MCU: variants seen among roughly 807,000 people sequenced by gnomAD.
MCU encodes the protein calcium uniporter protein, mitochondrial.
MCU carries 12 observed loss-of-function variants against 45.2 expected under a neutral mutation model. The observed-to-expected ratio is 0.27, with a 90% CI of 0.17 to 0.43. The LOEUF is 0.43. Ranked by LOEUF, MCU falls within the 20% of genes least tolerant of loss-of-function variation. The pLI is 1.00. For missense variants in MCU, 324 were observed against 436.7 expected, an observed-to-expected ratio of 0.74 and a Z score of 2.30; for synonymous variants, 160 against 165.1, an observed-to-expected ratio of 0.97 and a Z score of 0.24.
At chr10:72,815,185 T>G (rs1034626898) in intron 1 of MCU, among the ~76,000 whole-genome samples, 16 of 152,266 alleles carry the variant, frequency 1.1e-4, no homozygotes, top group Non-Finnish European at 1.8e-4. Context: ...GGCATTCAGC[T>G]CTGCCTCTTA....
At chr10:72,757,595 A>AT (rs11414771) in intron 1 of MCU, among the ~76,000 whole-genome samples, 69,010 of 151,624 alleles carry the variant, frequency 0.46, 20,106 homozygotes, top group Non-Finnish European at 0.67. Flanking sequence ...GTTCATAATA[A>AT]TTTTTTTTTA....
At chr10:72,775,151 A>G (rs889251836) in intron 1 of MCU, among the ~76,000 whole-genome samples, 1 of 152,180 alleles carries the variant, frequency 6.6e-6, no homozygotes, top group Non-Finnish European at 1.5e-5. Context: ...AGGCCACAAA[A>G]CAAGTCTGAA....
At chr10:72,824,489 G>T (rs1457919473) in intron 1 of MCU, among the ~76,000 whole-genome samples, 1 of 151,808 alleles carries the variant, frequency 6.6e-6, no homozygotes, top group African/African-American at 2.4e-5. Context: ...GATTACAGGC[G>T]TGAGGCACCG....
chr10:72,704,104 G>A (rs2132652168), intron 1 of MCU, among the ~76,000 whole-genome samples: 1 of 152,286 alleles, frequency 6.6e-6, no homozygotes, highest in African/African-American at 2.4e-5. Context: ...GGGAGAATCA[G>A]GTGATCAGGT....
At chr10:72,779,647 A>AGAT (rs1343835599) in intron 1 of MCU, among the ~76,000 whole-genome samples, 1 of 152,236 alleles carries the variant, frequency 6.6e-6, no homozygotes, top group Non-Finnish European at 1.5e-5. Flanking sequence ...TTCTATAAGG[A>AGAT]GATGTATAAA....
intron 1 of MCU, chr10:72,720,995 A>G (rs1416355154): frequency 6.5e-6 from 1 of 153,276 alleles, no homozygotes; most frequent in Non-Finnish European, 1.5e-5. Flanking sequence ...CTACATACTG[A>G]TCCAAGTAAG....
intron 1 of MCU, among the ~76,000 whole-genome samples, chr10:72,813,455 T>TC: frequency 7.6e-6 from 1 of 131,824 alleles, no homozygotes; most frequent in Non-Finnish European, 1.6e-5. Flanking sequence ...TCTCTCTTTT[T>TC]TTTTTTTTTT....
chr10:72,813,912 A>G (rs1198195259), intron 1 of MCU, among the ~76,000 whole-genome samples: 4 of 152,170 alleles, frequency 2.6e-5, no homozygotes, highest in African/African-American at 9.7e-5. Context: ...CTTCAGGTCT[A>G]TACATACATA....
intron 1 of MCU, among the ~76,000 whole-genome samples, chr10:72,806,759 C>T (rs1395995217): frequency 6.6e-6 from 1 of 152,136 alleles, no homozygotes; most frequent in African/African-American, 2.4e-5. Context: ...AAGAGAGGAC[C>T]TTTTTGAGGA....
In MCU at chr10:72,885,976, A is replaced by G. The variant is rs952303923; in HGVS notation, c.*154A>G. On this transcript the variant is annotated 3_prime_UTR_variant, in exon 8 of 8. Transcript: ENST00000373053. ...AGAAAGGATCTGAGGGAAGAAGGGAATGTTAAAACCTGAGGATCAGGCATT... is the reference window on the plus strand; with the variant it reads ...AGAAAGGATCTGAGGGAAGAAGGGAGTGTTAAAACCTGAGGATCAGGCATT... 12 of 609,024 alleles carry G rather than the reference A, an allele frequency of 2.0e-5. No individual in the cohort carries two copies. In the African/African-American group the frequency reaches 2.0e-4, roughly 10 times the overall value. The allele number at this position is 609,024 out of a possible 1,614,324, so 37.7% of individuals were successfully genotyped here.
In MCU at chr10:72,885,868, C is replaced by T. The variant is rs1201335388; in HGVS notation, c.*46C>T. On this transcript the variant is annotated 3_prime_UTR_variant, in exon 8 of 8. Transcript: ENST00000373053. ...CCTGGCAGAAGGAACACCTGTTTGC[C>T]TTTTTAATTAAAGCATTGCAGGTGG... 6.6e-7 allele frequency: 1 copy of T among 1,515,176 alleles called. No individual in the cohort carries two copies. The highest frequency in any genetic ancestry group is 1.4e-5 in the African/African-American group (1 of 72,756). The allele number at this position is 1,515,176 out of a possible 1,614,324, so 93.9% of individuals were successfully genotyped here.
intron 1 of MCU, among the ~76,000 whole-genome samples, chr10:72,792,292 G>A (rs746316750): frequency 1.3e-5 from 2 of 152,118 alleles, no homozygotes; most frequent in South Asian, 2.1e-4. Context: ...GTTACACAGT[G>A]TTTTTGGCCT....
intron 5 of MCU, among the ~76,000 whole-genome samples, chr10:72,870,578 A>G (rs11000431): frequency 0.25 from 37,915 of 152,160 alleles, 10,888 homozygotes; most frequent in African/African-American, 0.7. Context: ...CACCGCGCCC[A>G]GCTTTACCTA....
rs139055297 is a variant in MCU, at chr10:72,792,119, C to T, written c.151-42240C>T. Among the ~76,000 whole-genome samples the T allele has an allele frequency of 3.5e-4, 53 of 152,284 alleles. No homozygotes were observed. The East Asian group carries it at 9.6e-3, about 28-fold the overall frequency. On this transcript the variant is annotated intron_variant, in intron 1 of 7. Transcript: ENST00000373053. ...GATATCCACACACATTTTGCAGTGG[C>T]AGAAAGAAAGGCATTTATTTGCAGG...
intron 6 of MCU, among the ~76,000 whole-genome samples, chr10:72,872,739 T>C (rs754118953): frequency 9.9e-5 from 15 of 152,224 alleles, no homozygotes; most frequent in African/African-American, 1.4e-4. Flanking sequence ...AGTGCAGATA[T>C]AGCTTTAACA....
rs191603713 is a variant in MCU at position 72,810,580 on chromosome 10, G to A, written c.151-23779G>A. 3.4e-5 allele frequency among the ~76,000 whole-genome samples: 5 copies of A among 147,984 alleles called. No homozygotes were observed. The Admixed American group carries it at 3.5e-4, about 10-fold the overall frequency. On this transcript the variant is annotated intron_variant, in intron 1 of 7. Coordinates refer to ENST00000373053, the MANE Select transcript of MCU (RefSeq NM_138357.3). ...CCTCCCGGGTTGAAGTGATTCTCCT[G>A]CCTCAGCCTCCCAAGTAGCTGGGAT...
chr10:72,829,589 A>G (rs1654953371), intron 1 of MCU, among the ~76,000 whole-genome samples: 2 of 149,120 alleles, frequency 1.3e-5, no homozygotes, highest in Non-Finnish European at 3.0e-5. Flanking sequence ...ATATTTATTA[A>G]AAGCTTCCAA....
rs1161181455 is a variant in MCU at position 72,805,101 on chromosome 10, CTCTTTCTTTCTTTCTTTCTTTCTT to C, written c.151-29222_151-29199del. Reference sequence around the variant, plus strand: ...TGTTTCTTTCTTTCTTTCTTTCTTTCTCTTTCTTTCTTTCTTTCTTTCTTTCTTTCTTTCTTTCTTTCTTTCTTT... The same window carrying C: ...TGTTTCTTTCTTTCTTTCTTTCTTTCTCTTTCTTTCTTTCTTTCTTTCTTT... On this transcript the variant is annotated intron_variant, in intron 1 of 7. Coordinates refer to ENST00000373053, the MANE Select transcript of MCU (RefSeq NM_138357.3). 7.2e-4 allele frequency among the ~76,000 whole-genome samples: 75 copies of C among 103,454 alleles called. No homozygotes were observed. In the East Asian group the frequency reaches 0.013, roughly 18 times the overall value. The allele number at this position is 103,454 out of a possible 152,430, so 67.9% of individuals were successfully genotyped here.
At chr10:72,850,341 T>A (rs1845189461) in intron 2 of MCU, among the ~76,000 whole-genome samples, 1 of 152,194 alleles carries the variant, frequency 6.6e-6, no homozygotes, top group African/African-American at 2.4e-5. Context: ...GTTAAGATCA[T>A]AAGCCCCTGA....
Sources: gnomAD v4.1 joint callset for allele counts (sites outside exome capture counted in the v4.1 genomes callset) on GRCh38, gnomAD v4.1.1 for gene constraint, MANE v1.5 for transcripts, NCBI Gene and HGNC (gene_info 2026-07-23, HGNC 2026-07-21) for gene names.